PPP1R12B: variants seen among roughly 807,000 people sequenced by gnomAD.
PPP1R12B encodes protein phosphatase 1 regulatory subunit 12B, also known as myosin phosphatase target subunit 2.
Under a neutral mutation model 126.1 loss-of-function variants are expected in PPP1R12B, and 76 were observed. The observed-to-expected ratio is 0.60, with a 90% CI of 0.50 to 0.73. PPP1R12B has a LOEUF of 0.73. Ranked by LOEUF, PPP1R12B falls within the 30% of genes least tolerant of loss-of-function variation. The pLI, the probability that PPP1R12B is intolerant of heterozygous loss-of-function variation, is 0.00. For missense variants in PPP1R12B, 1,052 were observed against 1,205.1 expected, an observed-to-expected ratio of 0.87 and a Z score of 1.88; for synonymous variants, 356 against 434.7, an observed-to-expected ratio of 0.82 and a Z score of 2.25.
intron 1 of PPP1R12B, among the ~76,000 whole-genome samples, chr1:202,393,043 TA>T (rs1664373523): frequency 6.6e-6 from 1 of 152,200 alleles, no homozygotes; most frequent in Non-Finnish European, 1.5e-5. Flanking sequence ...TCTTTTGGGT[TA>T]AAGGGATTCT....
chr1:202,527,798 G>A (rs1683503177), intron 18 of PPP1R12B, among the ~76,000 whole-genome samples: 2 of 140,440 alleles, frequency 1.4e-5, no homozygotes, highest in South Asian at 4.6e-4. Flanking sequence ...AACTGTTTCA[G>A]AAAATAAAAA....
At chr1:202,367,565 T>C (rs1659456649) in intron 1 of PPP1R12B, among the ~76,000 whole-genome samples, 2 of 152,210 alleles carry the variant, frequency 1.3e-5, no homozygotes, top group South Asian at 4.1e-4. Flanking sequence ...GAATAGATGC[T>C]TAAGGGCCTC....
chr1:202,496,529 TTGTC>T (rs1181361473), intron 17 of PPP1R12B, among the ~76,000 whole-genome samples: 1 of 152,238 alleles, frequency 6.6e-6, no homozygotes, highest in Admixed American at 6.5e-5. Flanking sequence ...TCTGTCTGTC[TTGTC>T]TGTCTGTCTT....
intron 3 of PPP1R12B, among the ~76,000 whole-genome samples, chr1:202,423,658 A>C (rs191883103): frequency 3.3e-5 from 5 of 152,088 alleles, no homozygotes; most frequent in Admixed American, 3.3e-4. Flanking sequence ...TTTCATGTAT[A>C]GTTTTTCTGT....
intron 1 of PPP1R12B, among the ~76,000 whole-genome samples, chr1:202,403,452 A>T (rs1031423452): frequency 6.6e-6 from 1 of 152,264 alleles, no homozygotes; most frequent in Admixed American, 6.5e-5. Flanking sequence ...TATCACTAAC[A>T]CGTGCCTTTA....
intron 12 of PPP1R12B, among the ~76,000 whole-genome samples, chr1:202,447,819 C>A (rs1672465310): frequency 6.6e-6 from 1 of 152,244 alleles, no homozygotes; most frequent in African/African-American, 2.4e-5. Flanking sequence ...TTTATTAGTA[C>A]TTCCTATAGA....
At chr1:202,439,584 C>T (rs1164804840) in intron 10 of PPP1R12B, 7 of 1,272,774 alleles carry the variant, frequency 5.5e-6, no homozygotes, top group Middle Eastern at 2.6e-4. Context: ...CAGGTGGCCG[C>T]CACCCCCTCT....
chr1:202,422,504 T>C, intron 2 of PPP1R12B, 116 bp from the exon 3 acceptor site: 1 of 849,614 alleles, frequency 1.2e-6, no homozygotes, highest in Admixed American at 2.2e-5. Context: ...ATATCTTAAC[T>C]GAGACCATAT....
chr1:202,570,263 C>A (rs761370786), intron 23 of PPP1R12B, among the ~76,000 whole-genome samples: 1 of 151,384 alleles, frequency 6.6e-6, no homozygotes, highest in Non-Finnish European at 1.5e-5. Context: ...TTGGGAGAGA[C>A]ATTTATTGTT....
chr1:202,470,970 T>C (rs61821726), intron 13 of PPP1R12B, among the ~76,000 whole-genome samples: 115 of 152,088 alleles, frequency 7.6e-4, no homozygotes, highest in Non-Finnish European at 1.2e-3. Flanking sequence ...CTCCATCTTC[T>C]GGTCTGATCA....
intron 18 of PPP1R12B, among the ~76,000 whole-genome samples, chr1:202,548,553 A>G (rs570842450): frequency 1.3e-5 from 2 of 151,936 alleles, no homozygotes; most frequent in South Asian, 4.1e-4. Flanking sequence ...TCAAACTCCC[A>G]ACCTCAAGTG....
intron 23 of PPP1R12B, among the ~76,000 whole-genome samples, chr1:202,571,582 GA>G (rs887832811): frequency 2.0e-5 from 3 of 152,198 alleles, no homozygotes; most frequent in African/African-American, 7.2e-5. Flanking sequence ...AGCCTCCAAG[GA>G]GCTGGGACTA....
At position 202,451,693 on chromosome 1, in the gene PPP1R12B, C is replaced by T. The variant is rs1425096049; in HGVS notation, c.1850+2522C>T. 2.6e-5 allele frequency among the ~76,000 whole-genome samples: 4 copies of T among 152,288 alleles called. No homozygotes were observed. In the East Asian group the frequency reaches 7.7e-4, roughly 29 times the overall value. ...TCTCAGTGAGCTGTTGGGTACACCTCCCAGACGGGGTGGTGGCCGGGCAGA... is the reference window on the plus strand; with the variant it reads ...TCTCAGTGAGCTGTTGGGTACACCTTCCAGACGGGGTGGTGGCCGGGCAGA... On this transcript the variant is annotated intron_variant, in intron 13 of 23. Transcript: ENST00000608999.
At chr1:202,529,680 T>C (rs1683725127) in intron 18 of PPP1R12B, among the ~76,000 whole-genome samples, 3 of 152,194 alleles carry the variant, frequency 2.0e-5, no homozygotes, top group Non-Finnish European at 2.9e-5. Flanking sequence ...CTGATCGTTA[T>C]CAAACTTGTG....
At chr1:202,567,600 GATA>G (rs1288276637) in intron 21 of PPP1R12B, 175 bp from the exon 22 acceptor site, 1 of 618,026 alleles carries the variant, frequency 1.6e-6, no homozygotes. Flanking sequence ...TCAGAGAGGT[GATA>G]ATGTTAGGCT....
chr1:202,576,299 C>T (rs917802463), intron 23 of PPP1R12B: 2 of 152,224 alleles, frequency 1.3e-5, no homozygotes, highest in Admixed American at 6.5e-5. Flanking sequence ...GTTTTTCTAT[C>T]TCAAGATGGT....
chr1:202,493,432 T>C, intron 15 of PPP1R12B, 115 bp downstream of exon 15: 1 of 1,131,258 alleles, frequency 8.8e-7, no homozygotes, highest in Non-Finnish European at 1.2e-6. Flanking sequence ...GACAACTCAC[T>C]CAGTATGGCT....
At chr1:202,558,013 A>G (rs546690775) in intron 18 of PPP1R12B, among the ~76,000 whole-genome samples, 6 of 152,210 alleles carry the variant, frequency 3.9e-5, no homozygotes, top group Admixed American at 2.0e-4. Context: ...TTTGTAGATT[A>G]TTGGACCTTT....
At chr1:202,405,598 T>A (rs1374314404) in intron 1 of PPP1R12B, among the ~76,000 whole-genome samples, 1 of 152,216 alleles carries the variant, frequency 6.6e-6, no homozygotes, top group Non-Finnish European at 1.5e-5. Flanking sequence ...TAATCCTAAT[T>A]GTAACTCCAT....
Sources: gnomAD v4.1 joint callset for allele counts (sites outside exome capture counted in the v4.1 genomes callset) on GRCh38, gnomAD v4.1.1 for gene constraint, MANE v1.5 for transcripts, NCBI Gene and HGNC (gene_info 2026-07-23, HGNC 2026-07-21) for gene names.